Variants in SLC17A1 observed in about 807,000 individuals in gnomAD.
SLC17A1 encodes the protein solute carrier family 17 member 1, also known as sodium-dependent phosphate transport protein 1.
SLC17A1 carries 51 observed loss-of-function variants against 53.5 expected under a neutral mutation model. That is an observed-to-expected ratio of 0.95 (90% CI 0.76 to 1.20). The LOEUF (loss-of-function observed/expected upper bound fraction) is 1.20, where lower values mean the gene tolerates loss of function less well. SLC17A1 is among the 50% of genes most tolerant of loss of function. The pLI is 0.00. For synonymous variants in SLC17A1, 179 were observed against 198.8 expected, an observed-to-expected ratio of 0.90 and a Z score of 0.84; for missense variants, 538 against 568.2, an observed-to-expected ratio of 0.95 and a Z score of 0.54.
intron 8 of SLC17A1, 42 bp downstream of exon 8, chr6:25,812,789 G>A (rs1764203512): frequency 1.4e-6 from 2 of 1,462,472 alleles, no homozygotes; most frequent in Non-Finnish European, 1.9e-6. Flanking sequence ...TGTACACAGA[G>A]TCTTTCGTGA....
At chr6:25,742,690 C>G in the SLC17A1 span, among the ~76,000 whole-genome samples, 41,292 of 151,848 alleles carry the variant, frequency 0.27, 6,825 homozygotes, top group East Asian at 0.7. Context: ...TGTAGTCCTA[C>G]CTACTCAAGG....
At chr6:25,735,904 T>A in the SLC17A1 span, among the ~76,000 whole-genome samples, 1 of 152,170 alleles carries the variant, frequency 6.6e-6, no homozygotes, top group African/African-American at 2.4e-5. Flanking sequence ...AGGTTGGGCA[T>A]GCCACCCAAG....
At chr6:25,829,708 A>C (rs1436362186) in intron 2 of SLC17A1, among the ~76,000 whole-genome samples, 1 of 152,214 alleles carries the variant, frequency 6.6e-6, no homozygotes, top group Non-Finnish European at 1.5e-5. Context: ...TTGAGTAATA[A>C]GAATACCGCA....
chr6:25,828,554 A>T (rs13199775), intron 2 of SLC17A1, among the ~76,000 whole-genome samples: 10,986 of 152,024 alleles, frequency 0.072, 438 homozygotes, highest in Non-Finnish European at 0.087. Flanking sequence ...AACCTGACTT[A>T]GTGTTGGTGG....
At chr6:25,773,585 T>C in the SLC17A1 span, 4 of 1,613,984 alleles carry the variant, frequency 2.5e-6, no homozygotes, top group Admixed American at 3.3e-5. Context: ...CATTTTAGTC[T>C]CTTATTTCTG....
At chr6:25,737,002 G>A in the SLC17A1 span, among the ~76,000 whole-genome samples, 2 of 152,130 alleles carry the variant, frequency 1.3e-5, no homozygotes, top group South Asian at 2.1e-4. Flanking sequence ...TTCTGGGCAC[G>A]GGCCAAGCTA....
At chr6:25,732,870 T>C in the SLC17A1 span, 43 of 263,838 alleles carry the variant, frequency 1.6e-4, no homozygotes, top group East Asian at 1.3e-3. Flanking sequence ...GAATGTCTAA[T>C]GTCTAGAAGA....
At chr6:25,749,421 T>C in the SLC17A1 span, among the ~76,000 whole-genome samples, 1 of 152,216 alleles carries the variant, frequency 6.6e-6, no homozygotes, top group Admixed American at 6.5e-5. Flanking sequence ...GAGTTTCTTA[T>C]GTCTTCCTTT....
At chr6:25,797,756 C>T (rs781547421) in intron 12 of SLC17A1, among the ~76,000 whole-genome samples, 11 of 151,982 alleles carry the variant, frequency 7.2e-5, no homozygotes, top group African/African-American at 2.4e-4. Context: ...CCCACCACCG[C>T]GCCTGGCTAA....
chr6:25,768,608 C>G, the SLC17A1 span, among the ~76,000 whole-genome samples: 1 of 152,162 alleles, frequency 6.6e-6, no homozygotes, highest in Non-Finnish European at 1.5e-5. Flanking sequence ...ACTTGGGAGT[C>G]ATCTCCAGCA....
chr6:25,784,244 A>G (rs1297291128), intron 12 of SLC17A1, among the ~76,000 whole-genome samples: 1 of 152,194 alleles, frequency 6.6e-6, no homozygotes, highest in Admixed American at 6.5e-5. Flanking sequence ...TTCTCTTCAC[A>G]TAGGCAATCA....
At chr6:25,828,298 T>C (rs1764824585) in intron 2 of SLC17A1, among the ~76,000 whole-genome samples, 1 of 152,176 alleles carries the variant, frequency 6.6e-6, no homozygotes, top group Admixed American at 6.5e-5. Context: ...CTGTATCCTC[T>C]GTGCTCATTG....
the SLC17A1 span, chr6:25,732,477 A>C: frequency 1.1e-5 from 4 of 359,188 alleles, no homozygotes; most frequent in South Asian, 2.4e-5. Context: ...GGGGAAGGGT[A>C]CGCGCTATTC....
chr6:25,752,073 C>A, the SLC17A1 span, among the ~76,000 whole-genome samples: 1 of 152,318 alleles, frequency 6.6e-6, no homozygotes, highest in Middle Eastern at 3.4e-3. Context: ...TTCTTCTCCC[C>A]ACAGAGCATG....
chr6:25,778,121 C>A, downstream of SLC17A1: 2 of 690,512 alleles, frequency 2.9e-6, no homozygotes, highest in South Asian at 2.3e-5. Context: ...TTAAAGTAGT[C>A]AAAAATAAAC....
chr6:25,736,408 G>A, the SLC17A1 span, among the ~76,000 whole-genome samples: 1 of 152,082 alleles, frequency 6.6e-6, no homozygotes, highest in Admixed American at 6.6e-5. Flanking sequence ...ACTCATTTCG[G>A]TGAGATTAAA....
the SLC17A1 span, among the ~76,000 whole-genome samples, chr6:25,738,967 A>G: frequency 6.6e-6 from 1 of 152,324 alleles, no homozygotes; most frequent in Admixed American, 6.5e-5. Flanking sequence ...ACCTTGGGAA[A>G]CATTTTGCAG....
intron 12 of SLC17A1, among the ~76,000 whole-genome samples, chr6:25,795,543 T>C (rs965643191): frequency 2.0e-5 from 3 of 151,978 alleles, no homozygotes; most frequent in Non-Finnish European, 2.9e-5. Flanking sequence ...GAAAATAAGA[T>C]GCTAGAAAAT....
At chr6:25,738,266 A>T in the SLC17A1 span, among the ~76,000 whole-genome samples, 4 of 152,322 alleles carry the variant, frequency 2.6e-5, no homozygotes, top group Non-Finnish European at 5.9e-5. Flanking sequence ...ATAGTCCTAC[A>T]CAAGTATGAC....
Sources: gnomAD v4.1 joint callset for allele counts (sites outside exome capture counted in the v4.1 genomes callset) on GRCh38, gnomAD v4.1.1 for gene constraint, MANE v1.5 for transcripts, NCBI Gene and HGNC (gene_info 2026-07-23, HGNC 2026-07-21) for gene names.